Variants in CAST observed in about 807,000 individuals in gnomAD.
The protein encoded by CAST is MIR583 host.
In CAST, 76 loss-of-function variants were observed where a neutral mutation model predicts 119.6. The ratio of observed to expected loss-of-function variants is 0.64; its 90% confidence interval spans 0.53 to 0.77. The LOEUF is 0.77. CAST is among the 30% of genes least tolerant of loss of function. CAST has a pLI of 0.00. For synonymous variants in CAST, 319 were observed against 331.6 expected (o/e 0.96, Z 0.41); for missense variants, 953 against 946.5 (o/e 1.01, Z -0.09).
chr5:96,295,013 TTG>T, the CAST span, among the ~76,000 whole-genome samples: 1 of 152,164 alleles, frequency 6.6e-6, no homozygotes, highest in African/African-American at 2.4e-5. Flanking sequence ...GTCACCAATG[TTG>T]TGTTTCTCTA....
chr5:96,533,664 T>C (rs1561408444), intron 1 of CAST, among the ~76,000 whole-genome samples: 1 of 152,114 alleles, frequency 6.6e-6, no homozygotes, highest in Admixed American at 6.5e-5. Flanking sequence ...TGCACTTCCA[T>C]AGAAAAAAAC....
chr5:96,644,717 G>A (rs571140677), intron 1 of CAST, among the ~76,000 whole-genome samples: 2 of 152,316 alleles, frequency 1.3e-5, no homozygotes, highest in East Asian at 1.9e-4. Context: ...GCTCACGCCT[G>A]TAATCTCAGC....
At chr5:96,661,608 C>T (rs191447512), upstream of CAST, among the ~76,000 whole-genome samples, 2 of 152,188 alleles carry the variant, frequency 1.3e-5, no homozygotes, top group Admixed American at 1.3e-4. Context: ...CACATAAGCA[C>T]GTAGGGCTTG....
rs925151631 is a variant in CAST at position 96,772,681 on chromosome 5, T to C, written c.*65T>C. The C allele has an allele frequency of 6.5e-6, 1 of 152,742 alleles. No homozygotes were observed. The highest frequency in any genetic ancestry group is 1.5e-5 in the Non-Finnish European group (1 of 68,002). 9.5% of individuals were successfully genotyped at this position (152,742 alleles called of 1,614,324 possible). A position where few individuals can be genotyped will look rare whatever the true frequency, so the allele number is the denominator to read the frequency against. On this transcript the variant is annotated 3_prime_UTR_variant, in exon 32 of 32. Coordinates refer to ENST00000675179, the MANE Select transcript of CAST (RefSeq NM_001750.7). Reference sequence around the variant, plus strand: ...TCTTCAGCTGGTGGATGGTGACTTTTGAAGAACAAAAGGCTTTGGCAACAG... The same window carrying C: ...TCTTCAGCTGGTGGATGGTGACTTTCGAAGAACAAAAGGCTTTGGCAACAG...
chr5:96,695,250 C>T (rs1047549164), intron 2 of CAST, among the ~76,000 whole-genome samples: 8 of 152,104 alleles, frequency 5.3e-5, no homozygotes, highest in African/African-American at 1.2e-4. Flanking sequence ...CTTAGAATAA[C>T]GTTCTGAGAG....
chr5:96,583,542 A>C (rs1385433171), intron 1 of CAST, among the ~76,000 whole-genome samples: 1 of 152,154 alleles, frequency 6.6e-6, no homozygotes, highest in Non-Finnish European at 1.5e-5. Context: ...GATGAAGATA[A>C]TAATAATATT....
intron 1 of CAST, among the ~76,000 whole-genome samples, chr5:96,607,161 G>C (rs979330940): frequency 6.6e-6 from 1 of 152,094 alleles, no homozygotes; most frequent in Non-Finnish European, 1.5e-5. Context: ...GGTGGTGGGC[G>C]CCTGTAGTCC....
chr5:96,679,930 A>C (rs559091481), intron 2 of CAST, among the ~76,000 whole-genome samples: 1 of 152,254 alleles, frequency 6.6e-6, no homozygotes, highest in East Asian at 1.9e-4. Context: ...GTATATACTT[A>C]AATTAACGCG....
chr5:96,519,531 A>C, the CAST span, among the ~76,000 whole-genome samples: 1 of 152,166 alleles, frequency 6.6e-6, no homozygotes, highest in Non-Finnish European at 1.5e-5. Flanking sequence ...TTTGTCGCAA[A>C]ATATGTGACC....
the CAST span, among the ~76,000 whole-genome samples, chr5:96,505,062 C>G: frequency 1.3e-5 from 2 of 152,164 alleles, no homozygotes; most frequent in Non-Finnish European, 2.9e-5. Flanking sequence ...CTGCTATGAA[C>G]ATTTCAATAT....
At chr5:96,605,713 C>T (rs1747241101) in intron 1 of CAST, among the ~76,000 whole-genome samples, 1 of 152,064 alleles carries the variant, frequency 6.6e-6, no homozygotes, top group African/African-American at 2.4e-5. Flanking sequence ...TGAGTTGAGC[C>T]CTAGAAACAT....
At chr5:96,127,623 A>T in the CAST span, among the ~76,000 whole-genome samples, 1 of 152,114 alleles carries the variant, frequency 6.6e-6, no homozygotes, top group Non-Finnish European at 1.5e-5. Context: ...AAATTACAAG[A>T]GAAAAAAATG....
the CAST span, among the ~76,000 whole-genome samples, chr5:96,040,164 C>T: frequency 6.6e-6 from 1 of 152,102 alleles, no homozygotes; most frequent in Admixed American, 6.6e-5. Flanking sequence ...CATGATTTGG[C>T]TCTCTGTTTG....
chr5:96,767,321 A>G, intron 27 of CAST, 117 bp from the exon 28 acceptor site: 1 of 743,298 alleles, frequency 1.3e-6, no homozygotes, highest in Non-Finnish European at 2.3e-6. Flanking sequence ...AGTTATTGCA[A>G]GTCTACACTC....
the CAST span, among the ~76,000 whole-genome samples, chr5:96,222,973 T>C: frequency 3.3e-5 from 5 of 152,152 alleles, no homozygotes; most frequent in African/African-American, 1.2e-4. Context: ...TGGATGGAAC[T>C]GGAAGTCATT....
chr5:96,125,640 G>T, the CAST span, among the ~76,000 whole-genome samples: 1 of 152,088 alleles, frequency 6.6e-6, no homozygotes, highest in Admixed American at 6.6e-5. Flanking sequence ...ATCCTCGTAA[G>T]GTTGTTGTAA....
the CAST span, among the ~76,000 whole-genome samples, chr5:96,494,509 C>G: frequency 6.6e-6 from 1 of 152,146 alleles, no homozygotes; most frequent in East Asian, 1.9e-4. Flanking sequence ...CACAAAGACT[C>G]TTGATATTCT....
chr5:96,437,545 A>G, the CAST span, among the ~76,000 whole-genome samples: 1 of 152,170 alleles, frequency 6.6e-6, no homozygotes, highest in African/African-American at 2.4e-5. Flanking sequence ...CTCCTGAAGT[A>G]TGTCTTTCTA....
chr5:96,208,999 G>T, the CAST span, among the ~76,000 whole-genome samples: 5 of 152,000 alleles, frequency 3.3e-5, no homozygotes, highest in African/African-American at 1.2e-4. Context: ...ATGAATCTGG[G>T]TGCTCCTGTG....
Sources: gnomAD v4.1 joint callset for allele counts (sites outside exome capture counted in the v4.1 genomes callset) on GRCh38, gnomAD v4.1.1 for gene constraint, MANE v1.5 for transcripts, NCBI Gene and HGNC (gene_info 2026-07-23, HGNC 2026-07-21) for gene names.